Variants in HTT observed in about 807,000 individuals in gnomAD.
HTT encodes the protein huntington disease protein.
A neutral mutation model predicts 362.3 loss-of-function variants in HTT; 104 were observed. That is an observed-to-expected ratio of 0.29 (90% CI 0.24 to 0.34). The LOEUF (loss-of-function observed/expected upper bound fraction) is 0.34. Among genes scored for constraint, HTT ranks in the 10% least tolerant of loss-of-function variants. The pLI is 1.00. For missense variants in HTT, 3,301 were observed against 3,928.6 expected (o/e 0.84, Z 4.27); for synonymous variants, 1,577 against 1,548.7 (o/e 1.02, Z -0.43).
At chr4:3,083,503 A>G (rs1713020971) in intron 1 of HTT, among the ~76,000 whole-genome samples, 1 of 143,206 alleles carries the variant, frequency 7.0e-6, no homozygotes, top group Admixed American at 7.1e-5. Context: ...CAACCTGGGC[A>G]AGAGAGTGAG....
At chr4:3,112,545 C>T (rs373218209) in intron 6 of HTT, among the ~76,000 whole-genome samples, 2 of 152,090 alleles carry the variant, frequency 1.3e-5, no homozygotes, top group Non-Finnish European at 2.9e-5. Context: ...TTATTTTGGT[C>T]GACATTAAGT....
chr4:3,237,728 G>A (rs531432504), intron 64 of HTT, among the ~76,000 whole-genome samples: 9 of 152,278 alleles, frequency 5.9e-5, no homozygotes, highest in Admixed American at 2.6e-4. Context: ...TTTCGTAGCT[G>A]CTTCCCGTGT....
At chr4:3,182,242 G>A in intron 36 of HTT, 112 bp from the exon 37 acceptor site, 2 of 696,028 alleles carry the variant, frequency 2.9e-6, no homozygotes, top group Non-Finnish European at 2.6e-6. Context: ...GATCACATCT[G>A]TTTGGATCCT....
intron 1 of HTT, among the ~76,000 whole-genome samples, chr4:3,086,527 C>G (rs183685858): frequency 4.0e-4 from 61 of 152,240 alleles, no homozygotes; most frequent in Admixed American, 7.8e-4. Flanking sequence ...AAAAATTAGC[C>G]AGGCCCAGTG....
intron 40 of HTT, among the ~76,000 whole-genome samples, chr4:3,199,070 T>C (rs1719403632): frequency 6.6e-6 from 1 of 152,222 alleles, no homozygotes; most frequent in South Asian, 2.1e-4. Context: ...GGGGCCCCGC[T>C]GTGGCCCGAG....
chr4:3,229,736 A>G (rs1721155355), intron 59 of HTT, 151 bp from the exon 60 acceptor site: 2 of 832,080 alleles, frequency 2.4e-6, no homozygotes, highest in East Asian at 2.5e-5. Flanking sequence ...CAGCACACGC[A>G]TACACCACAC....
At chr4:3,119,488 A>C (rs1409463788) in intron 8 of HTT, among the ~76,000 whole-genome samples, 3 of 152,204 alleles carry the variant, frequency 2.0e-5, no homozygotes, top group Non-Finnish European at 4.4e-5. Context: ...TTGTGACTGG[A>C]CTCAGAAAGA....
At chr4:3,209,019 G>A in intron 46 of HTT, 108 bp downstream of exon 46, 4 of 1,244,166 alleles carry the variant, frequency 3.2e-6, no homozygotes, top group Non-Finnish European at 3.2e-6. Context: ...AAGGAGTTCT[G>A]GCGCTCGGCT....
Position 3,224,293 on chromosome 4 carries a change from C to G in HTT, c.7765+162C>G, listed in dbSNP as rs149269900. Among the ~76,000 whole-genome samples, 244 of 152,298 alleles carry G rather than the reference C, an allele frequency of 1.6e-3. 2 individuals are homozygous for G. Among genetic ancestry groups the G allele is most frequent in the Admixed American group, 2.9e-3 (45 of 15,306 alleles). Reference sequence around the variant, plus strand: ...CCCTTTCATAAGCAGGAGTCTTAGTCAGGCCCAGGGAGGAAGTAAAATCTG... The same window carrying G: ...CCCTTTCATAAGCAGGAGTCTTAGTGAGGCCCAGGGAGGAAGTAAAATCTG... On this transcript the variant is annotated intron_variant, in intron 56 of 66. Transcript: ENST00000355072.
intron 29 of HTT, among the ~76,000 whole-genome samples, chr4:3,165,476 A>C (rs1717654217): frequency 6.6e-6 from 1 of 152,062 alleles, no homozygotes; most frequent in Non-Finnish European, 1.5e-5. Context: ...AGGTTGGGGA[A>C]GTTCTCCTGG....
At chr4:3,110,895 A>T (rs1234645428) in intron 6 of HTT, among the ~76,000 whole-genome samples, 1 of 152,028 alleles carries the variant, frequency 6.6e-6, no homozygotes, top group East Asian at 1.9e-4. Context: ...TTCTCTCCTG[A>T]AATTGGTTAG....
chr4:3,150,326 A>T (rs1716812168), intron 26 of HTT, among the ~76,000 whole-genome samples: 1 of 152,182 alleles, frequency 6.6e-6, no homozygotes, highest in Non-Finnish European at 1.5e-5. Flanking sequence ...ATTTAAATTT[A>T]AATAACCTTA....
rs570418720 is a variant in HTT at position 3,189,571 on chromosome 4, A to G, written c.5368+478A>G. ...TCCACTTACATGAGGGACCTGGAGT[A>G]GTTAATTCATAGATATAGAAAGTAG... is the stretch of plus-strand genomic sequence containing the variant. On this transcript the variant is annotated intron_variant, in intron 40 of 66. Transcript: ENST00000355072. 9.8e-5 allele frequency among the ~76,000 whole-genome samples: 15 copies of G among 152,374 alleles called. 1 individual carries two copies. The South Asian group carries it at 3.1e-3, about 32-fold the overall frequency.
chr4:3,133,270 G>A (rs548630618), intron 18 of HTT, among the ~76,000 whole-genome samples: 3 of 150,966 alleles, frequency 2.0e-5, no homozygotes, highest in South Asian at 2.1e-4. Context: ...GATTGCTTGA[G>A]CCCAGGAGTT....
At chr4:3,105,090 A>ATTCAC (rs1714359258) in intron 4 of HTT, among the ~76,000 whole-genome samples, 3 of 152,300 alleles carry the variant, frequency 2.0e-5, no homozygotes, top group Admixed American at 2.0e-4. Context: ...TGTTAGAAGG[A>ATTCAC]AATGCTGTTT....
chr4:3,110,079 C>G (rs1189050423), intron 6 of HTT, among the ~76,000 whole-genome samples: 1 of 152,192 alleles, frequency 6.6e-6, no homozygotes, highest in South Asian at 2.1e-4. Flanking sequence ...CAATCTTCTT[C>G]CAGATCCTGA....
At chr4:3,238,682 T>G in intron 65 of HTT, 73 bp downstream of exon 65, 1 of 1,508,238 alleles carries the variant, frequency 6.6e-7, no homozygotes, top group South Asian at 1.3e-5. Context: ...TCCCAGCAGA[T>G]TCGCCAGCAG....
At chr4:3,133,404 G>A (rs1438064127) in intron 18 of HTT, among the ~76,000 whole-genome samples, 1 of 151,808 alleles carries the variant, frequency 6.6e-6, no homozygotes, top group Non-Finnish European at 1.5e-5. Context: ...GAGGTGGAGG[G>A]GGGATTGCTT....
At chr4:3,076,585 C>T (rs1404722001) in intron 1 of HTT, among the ~76,000 whole-genome samples, 1 of 152,186 alleles carries the variant, frequency 6.6e-6, no homozygotes, top group Non-Finnish European at 1.5e-5. Flanking sequence ...AGTAATTTCT[C>T]ATCCAGAAAT....
Sources: allele counts gnomAD v4.1 joint callset (sites outside exome capture counted in the v4.1 genomes callset), GRCh38; gene constraint gnomAD v4.1.1; transcripts MANE v1.5; gene names NCBI Gene and HGNC (gene_info 2026-07-23, HGNC 2026-07-21).